The following ATP10B variants were observed in gnomAD, a reference collection of about 807,000 sequenced individuals.
The protein encoded by ATP10B is ATPase phospholipid transporting 10B (putative).
ATP10B carries 122 observed loss-of-function variants against 141.2 expected under a neutral mutation model. The ratio of observed to expected loss-of-function variants is 0.86; its 90% confidence interval spans 0.75 to 1.00. The LOEUF is 1.00. ATP10B is among the 50% of genes least tolerant of loss of function. ATP10B has a pLI of 0.00. For synonymous variants in ATP10B, 685 were observed against 692.0 expected (o/e 0.99, Z 0.16); for missense variants, 1,876 against 1,825.3 (o/e 1.03, Z -0.51).
rs374861631 is a variant in ATP10B at position 160,569,533 on chromosome 5, C to G, written c.3901G>C (p.Val1301Leu). The G allele has an allele frequency of 1.2e-6, 2 of 1,613,840 alleles. No individual in the cohort carries two copies. Among genetic ancestry groups the G allele is most frequent in the Admixed American group, 3.3e-5 (2 of 59,980 alleles). ...GQLSNPTFYL[V>L]CFLTPVVALL... ...GCAACAACTGGTGTGAGAAAGCAGACGAGGTAGAAAGTGGGGTTTGAGAGC... is the reference window on the plus strand; with the variant it reads ...GCAACAACTGGTGTGAGAAAGCAGAGGAGGTAGAAAGTGGGGTTTGAGAGC... Residue 1301 changes from valine to leucine, a missense_variant, in exon 25 of 26, where the codon GTC becomes CTC. By Grantham distance (32) the Val-to-Leu change is conservative. Transcript: ENST00000327245.
chr5:160,753,196 T>C (rs982707407), intron 2 of ATP10B, among the ~76,000 whole-genome samples: 5 of 152,156 alleles, frequency 3.3e-5, no homozygotes, highest in Non-Finnish European at 2.9e-5. Flanking sequence ...GCCGTGCTTA[T>C]CTAAGTTTAC....
At chr5:160,919,840 T>A in the ATP10B span, among the ~76,000 whole-genome samples, 1 of 152,342 alleles carries the variant, frequency 6.6e-6, no homozygotes, top group Non-Finnish European at 1.5e-5. Flanking sequence ...CCAACTGCGA[T>A]GTCTTGGCAA....
intron 2 of ATP10B, among the ~76,000 whole-genome samples, chr5:160,755,820 AAAAAAAAAAAAAAAAAAAATATATATAT>A (rs1297913307): frequency 4.2e-4 from 22 of 51,894 alleles, no homozygotes; most frequent in East Asian, 1.0e-3. Context: ...GTCTCAAAAA[AAAAAAAAAAAAAAAAAAAATATATATAT>A]ATATATATAT....
chr5:160,806,687 T>G (rs561108525), intron 1 of ATP10B, among the ~76,000 whole-genome samples: 2 of 152,352 alleles, frequency 1.3e-5, no homozygotes, highest in African/African-American at 4.8e-5. Context: ...TTTAATCCAC[T>G]CAACAACCCT....
chr5:160,903,459 TAC>T, the ATP10B span, among the ~76,000 whole-genome samples: 1 of 152,176 alleles, frequency 6.6e-6, no homozygotes, highest in African/African-American at 2.4e-5. Flanking sequence ...GGAGTAGCTT[TAC>T]AGAGTCATCA....
intron 9 of ATP10B, among the ~76,000 whole-genome samples, chr5:160,642,211 A>G (rs1759922658): frequency 6.6e-6 from 1 of 152,228 alleles, no homozygotes. Flanking sequence ...TTGTACTTCA[A>G]TTCCTCATCT....
intron 3 of ATP10B, among the ~76,000 whole-genome samples, chr5:160,700,946 T>G (rs942936893): frequency 4.6e-5 from 7 of 152,148 alleles, no homozygotes; most frequent in Non-Finnish European, 1.0e-4. Context: ...AGACTTTGAT[T>G]CCTCTTTTAC....
At chr5:160,818,800 C>T (rs1773882296) in intron 1 of ATP10B, among the ~76,000 whole-genome samples, 1 of 152,162 alleles carries the variant, frequency 6.6e-6, no homozygotes, top group Non-Finnish European at 1.5e-5. Context: ...ACATGTACAC[C>T]ATGGAATACT....
chr5:160,779,321 C>G (rs989497617), intron 2 of ATP10B, among the ~76,000 whole-genome samples: 2 of 152,154 alleles, frequency 1.3e-5, no homozygotes, highest in South Asian at 4.1e-4. Context: ...TTCCTCTGGC[C>G]TTGAGTAGAT....
chr5:160,796,642 A>G (rs1212108206), intron 1 of ATP10B, among the ~76,000 whole-genome samples: 1 of 152,214 alleles, frequency 6.6e-6, no homozygotes, highest in Non-Finnish European at 1.5e-5. Flanking sequence ...CCAGGAGGGC[A>G]TTTGATTCTA....
intron 24 of ATP10B, among the ~76,000 whole-genome samples, chr5:160,578,044 G>A (rs1755306248): frequency 6.6e-6 from 1 of 151,846 alleles, no homozygotes; most frequent in South Asian, 2.1e-4. Context: ...TTTGCTGGAT[G>A]AAAAAAATCC....
rs753282878 is a variant in ATP10B at position 160,688,144 on chromosome 5, T to C, written c.-20-50A>G. On this transcript the variant is annotated intron_variant, in intron 4 of 25. Transcript: ENST00000327245. ...ATGTTTAGGAGAAACGTGCAGCATG[T>C]TGGCCTGTTCATTTCTCCCCCATCC... The C allele has an allele frequency of 4.5e-6, 7 of 1,545,258 alleles. No homozygotes were observed. The Admixed American group carries it at 1.3e-4, about 28-fold the overall frequency.
intron 6 of ATP10B, among the ~76,000 whole-genome samples, chr5:160,672,318 T>G (rs1715351338): frequency 6.6e-6 from 1 of 152,150 alleles, no homozygotes; most frequent in African/African-American, 2.4e-5. Flanking sequence ...AAAGTCTTCC[T>G]TCTGCCTAAC....
rs75175014 is a variant in ATP10B, at chr5:160,686,343, C to T, written c.276-70G>A. 1,426 of 1,227,748 alleles carry T rather than the reference C, an allele frequency of 1.2e-3. 13 individuals carry two copies. In the African/African-American group the frequency reaches 0.02, roughly 17 times the overall value. 76.1% of individuals were successfully genotyped at this position (1,227,748 alleles called of 1,614,324 possible). ...AATGTACTTTCTCCCCCATTTCTTC[C>T]CTACTGTTTGGCCTTGATCAATTAA... On this transcript the variant is annotated intron_variant, in intron 5 of 25. Coordinates refer to ENST00000327245, the MANE Select transcript of ATP10B (RefSeq NM_025153.3).
intron 6 of ATP10B, among the ~76,000 whole-genome samples, chr5:160,678,077 T>C (rs1331297741): frequency 6.6e-6 from 1 of 152,108 alleles, no homozygotes; most frequent in Admixed American, 6.5e-5. Flanking sequence ...TGGCCAGAAA[T>C]AAAAGAAAGA....
rs1251657532 is a variant in ATP10B, at chr5:160,606,811, T to A, written c.3114A>T (p.Ile1038=). The stretch of plus-strand genomic sequence containing the variant: ...GCAACTTGTCTCGCACCAGCTTGAC[T>A]ATCATACTCTTCTGGAGTGGCGTGG... ...CRSTPLQKSM[I]VKLVRDKLRV... Residue 1038 remains isoleucine, a synonymous_variant, in exon 19 of 26, where the codon ATA becomes ATT. Coordinates refer to ENST00000327245, the MANE Select transcript of ATP10B (RefSeq NM_025153.3). 4 of 1,614,138 alleles carry A rather than the reference T, an allele frequency of 2.5e-6. No individual in the cohort carries two copies. The South Asian group carries it at 4.4e-5, about 18-fold the overall frequency.
chr5:160,587,408 T>C (rs937327017), intron 24 of ATP10B, among the ~76,000 whole-genome samples: 4 of 152,190 alleles, frequency 2.6e-5, no homozygotes, highest in South Asian at 2.1e-4. Flanking sequence ...TTTTCTTGGG[T>C]ATATGAGCTC....
intron 24 of ATP10B, among the ~76,000 whole-genome samples, chr5:160,582,110 C>T (rs1021409467): frequency 3.2e-4 from 49 of 152,222 alleles, no homozygotes; most frequent in African/African-American, 1.2e-3. Context: ...TCCAATTTGC[C>T]AGTCTGTGTC....
At chr5:160,826,866 G>A (rs1368409708) in intron 1 of ATP10B, among the ~76,000 whole-genome samples, 1 of 152,120 alleles carries the variant, frequency 6.6e-6, no homozygotes, top group Non-Finnish European at 1.5e-5. Context: ...TACTAGGATT[G>A]GGAAATGCCA....
Sources: allele counts gnomAD v4.1 joint callset (sites outside exome capture counted in the v4.1 genomes callset), GRCh38; gene constraint gnomAD v4.1.1; transcripts MANE v1.5; gene names NCBI Gene and HGNC (gene_info 2026-07-23, HGNC 2026-07-21).